Variants in PIGK observed in about 807,000 individuals in gnomAD.
The protein encoded by PIGK is phosphatidylinositol glycan anchor biosynthesis class K, also known as GPI-anchor transamidase.
In PIGK, 42 loss-of-function variants were observed where a neutral mutation model predicts 50.6. The observed-to-expected ratio is 0.83, with a 90% CI of 0.65 to 1.07. The LOEUF is 1.07. Ranked by LOEUF, PIGK falls within the 50% of genes least tolerant of loss-of-function variation. The pLI is 0.00. For missense variants in PIGK, 448 were observed against 488.7 expected, an observed-to-expected ratio of 0.92 and a Z score of 0.78; for synonymous variants, 151 against 156.0, an observed-to-expected ratio of 0.97 and a Z score of 0.24.
chr1:77,101,529 T>A (rs938589348), intron 10 of PIGK, among the ~76,000 whole-genome samples: 1 of 152,214 alleles, frequency 6.6e-6, no homozygotes, highest in African/African-American at 2.4e-5. Flanking sequence ...GGCCAATTTG[T>A]CTTAGTTATG....
intron 9 of PIGK, among the ~76,000 whole-genome samples, chr1:77,151,589 T>A (rs1175413166): frequency 6.6e-6 from 1 of 152,102 alleles, no homozygotes; most frequent in Non-Finnish European, 1.5e-5. Flanking sequence ...ATCTTACACT[T>A]AAAAAAACCT....
intron 8 of PIGK, among the ~76,000 whole-genome samples, chr1:77,156,892 G>A (rs1502526): frequency 0.037 from 5,669 of 152,094 alleles, 207 homozygotes; most frequent in South Asian, 0.21. Context: ...CTTACACCTC[G>A]CATTCAAGAA....
intron 10 of PIGK, among the ~76,000 whole-genome samples, chr1:77,096,171 G>A (rs900633081): frequency 6.6e-6 from 1 of 152,042 alleles, no homozygotes; most frequent in African/African-American, 2.4e-5. Context: ...AAATAAAAAG[G>A]GAGCTGGATG....
chr1:77,185,680 A>G (rs1322987545), intron 3 of PIGK, among the ~76,000 whole-genome samples: 1 of 152,122 alleles, frequency 6.6e-6, no homozygotes, highest in Non-Finnish European at 1.5e-5. Context: ...AGAACAGGAG[A>G]AGGCTCTGCA....
intron 3 of PIGK, among the ~76,000 whole-genome samples, chr1:77,192,092 G>A (rs560578053): frequency 7.9e-5 from 12 of 151,782 alleles, no homozygotes; most frequent in Non-Finnish European, 1.3e-4. Context: ...CCGAGACCGC[G>A]CCACTGCATT....
Position 77,114,826 on chromosome 1 carries a change from A to C in PIGK, c.1071+7449T>G, listed in dbSNP as rs566076327. Among the ~76,000 whole-genome samples the C allele has an allele frequency of 5.3e-5, 8 of 152,320 alleles. No homozygotes were observed. In the South Asian group the frequency reaches 1.4e-3, roughly 28 times the overall value. ...TCATTACTTGCCTTATCACTTGAAT[A>C]AAAATAAATGAAAAATGTATTATTT... On this transcript the variant is annotated intron_variant, in intron 10 of 10. Coordinates refer to ENST00000370812, the MANE Select transcript of PIGK (RefSeq NM_005482.3).
In PIGK at chr1:77,090,666, T is replaced by C. The variant is rs762111264; in HGVS notation, c.*1708A>G. ...CCTAAATAGCTCCGCCTCACCGTGG[T>C]GTCCACGACCTTGTATGAGTGTCTG... On this transcript the variant is annotated 3_prime_UTR_variant, in exon 11 of 11. Coordinates refer to ENST00000370812, the MANE Select transcript of PIGK (RefSeq NM_005482.3). The C allele has an allele frequency of 5.9e-5, 9 of 152,234 alleles. No individual in the cohort carries two copies. The highest frequency in any genetic ancestry group is 1.0e-4 in the Non-Finnish European group (7 of 68,034). 9.4% of individuals were successfully genotyped at this position (152,234 alleles called of 1,614,324 possible).
chr1:77,114,231 C>T (rs890758257), intron 10 of PIGK, among the ~76,000 whole-genome samples: 5 of 152,120 alleles, frequency 3.3e-5, no homozygotes, highest in African/African-American at 1.2e-4. Context: ...GAATCAAATA[C>T]TGGCTATCCC....
chr1:77,118,572 T>A (rs1324230727), intron 10 of PIGK, among the ~76,000 whole-genome samples: 1 of 152,232 alleles, frequency 6.6e-6, no homozygotes, highest in African/African-American at 2.4e-5. Context: ...ATCCAAAAAT[T>A]TTGCCAACAT....
Position 77,163,939 on chromosome 1 carries a change from T to C in PIGK, c.491A>G (p.His164Arg), listed in dbSNP as rs968415152. ...AAATTTTAAGAAACCATTTCCACCA[T>C]GCCCTTGTATAAAGAGTAAAAAAGA... ...RSNILIYMTG[H>R]GGNGFLKFQD... is the part of the protein sequence containing the mutation. The change falls in exon 6 of 11, where the codon CAT becomes CGT. Residue 164 changes from histidine to arginine, a missense_variant. His to Arg is a conservative substitution (Grantham distance 29). Transcript: ENST00000370812. 1.3e-6 allele frequency: 2 copies of C among 1,576,028 alleles called. No homozygotes were observed. The highest frequency in any genetic ancestry group is 1.7e-6 in the Non-Finnish European group (2 of 1,147,888).
chr1:77,160,843 T>C (rs966600676), intron 8 of PIGK, among the ~76,000 whole-genome samples: 4 of 152,194 alleles, frequency 2.6e-5, no homozygotes, highest in Non-Finnish European at 2.9e-5. Flanking sequence ...GTCTCTCTTT[T>C]CCAGGAGTTT....
intron 1 of PIGK, among the ~76,000 whole-genome samples, chr1:77,218,690 G>A (rs1656644086): frequency 1.3e-5 from 2 of 152,106 alleles, no homozygotes; most frequent in South Asian, 2.1e-4. Context: ...ATTGTAGACC[G>A]GGACTGAGGA....
intron 10 of PIGK, among the ~76,000 whole-genome samples, chr1:77,095,007 T>C (rs1487383233): frequency 6.6e-6 from 1 of 152,218 alleles, no homozygotes; most frequent in East Asian, 1.9e-4. Context: ...ATGATAACAC[T>C]GCATAAGCTA....
At chr1:77,211,039 A>C (rs1203505845) in intron 1 of PIGK, among the ~76,000 whole-genome samples, 1 of 152,036 alleles carries the variant, frequency 6.6e-6, no homozygotes, top group Non-Finnish European at 1.5e-5. Context: ...GCTATTATTT[A>C]AAACTGCAAC....
intron 10 of PIGK, among the ~76,000 whole-genome samples, chr1:77,097,868 CACAATA>C (rs1460488111): frequency 2.0e-5 from 3 of 151,698 alleles, no homozygotes; most frequent in African/African-American, 7.3e-5. Flanking sequence ...AAATGTCATT[CACAATA>C]ACAATTAAAA....
intron 3 of PIGK, among the ~76,000 whole-genome samples, chr1:77,206,059 G>T (rs1038671177): frequency 6.6e-6 from 1 of 152,070 alleles, no homozygotes; most frequent in Admixed American, 6.6e-5. Flanking sequence ...AGTTGGGACA[G>T]CAAAGTTCAA....
At chr1:77,095,375 T>A (rs937626940) in intron 10 of PIGK, among the ~76,000 whole-genome samples, 1 of 152,192 alleles carries the variant, frequency 6.6e-6, no homozygotes, top group Non-Finnish European at 1.5e-5. Flanking sequence ...CTTTGCTCTG[T>A]GAAACACAAT....
intron 3 of PIGK, among the ~76,000 whole-genome samples, chr1:77,201,919 A>G (rs951209850): frequency 4.6e-5 from 7 of 151,892 alleles, no homozygotes; most frequent in Non-Finnish European, 8.8e-5. Flanking sequence ...TTAGCCAGGC[A>G]TGGTGGTGCG....
At chr1:77,121,646 T>C (rs1204488606) in intron 10 of PIGK, among the ~76,000 whole-genome samples, 1 of 152,180 alleles carries the variant, frequency 6.6e-6, no homozygotes. Flanking sequence ...GCTATAACTC[T>C]AGTCAACAGA....
Sources: gnomAD v4.1 joint callset for allele counts (sites outside exome capture counted in the v4.1 genomes callset) on GRCh38, gnomAD v4.1.1 for gene constraint, MANE v1.5 for transcripts, NCBI Gene and HGNC (gene_info 2026-07-23, HGNC 2026-07-21) for gene names.